Variants in CNTNAP2 observed in about 807,000 individuals in gnomAD.
CNTNAP2 encodes contactin-associated protein-like 2.
In CNTNAP2, 98 loss-of-function variants were observed where a neutral mutation model predicts 155.2. The ratio of observed to expected loss-of-function variants is 0.63; its 90% CI spans 0.54 to 0.75. CNTNAP2 has a LOEUF of 0.75. Among genes scored for constraint, CNTNAP2 ranks in the 30% least tolerant of loss-of-function variants. The probability of loss-of-function intolerance (pLI) is 0.00; values close to 1 mark genes in which losing one functional copy is unlikely to be tolerated. For missense variants in CNTNAP2, 1,727 were observed against 1,688.1 expected (o/e 1.02, Z -0.40); for synonymous variants, 651 against 631.2 (o/e 1.03, Z -0.47).
intron 16 of CNTNAP2, among the ~76,000 whole-genome samples, chr7:148,131,360 G>T (rs1410754068): frequency 1.3e-5 from 2 of 151,968 alleles, no homozygotes; most frequent in African/African-American, 4.8e-5. Flanking sequence ...ACCTACCAAA[G>T]TGCTGGGATT....
At chr7:146,975,824 A>G (rs898583165) in intron 3 of CNTNAP2, among the ~76,000 whole-genome samples, 4 of 152,180 alleles carry the variant, frequency 2.6e-5, no homozygotes, top group African/African-American at 9.7e-5. Context: ...AAGAACTTGA[A>G]GTCCCAAAAT....
chr7:147,453,327 A>G (rs897845029), intron 10 of CNTNAP2, among the ~76,000 whole-genome samples: 1 of 152,092 alleles, frequency 6.6e-6, no homozygotes, highest in Non-Finnish European at 1.5e-5. Flanking sequence ...CTGCTTCCCT[A>G]TGACTTCTGC....
In CNTNAP2 at chr7:148,206,031, CAT is replaced by C. The variant is rs377519549; in HGVS notation, c.3011-11256_3011-11255del. Among the ~76,000 whole-genome samples the C allele has an allele frequency of 4.2e-3, 635 of 151,812 alleles. 6 individuals are homozygous for C. Among genetic ancestry groups the C allele is most frequent in the Middle Eastern group, 0.017 (5 of 290 alleles). On this transcript the variant is annotated intron_variant, in intron 18 of 23. Coordinates refer to ENST00000361727, the MANE Select transcript of CNTNAP2 (RefSeq NM_014141.6). ...ATATGCATATAGGCATATACACACA[CAT>C]GTATAAATATTCATATATACCCTCA...
chr7:147,583,627 A>G (rs1381272042), intron 12 of CNTNAP2, among the ~76,000 whole-genome samples: 1 of 151,342 alleles, frequency 6.6e-6, no homozygotes, highest in Non-Finnish European at 1.5e-5. Flanking sequence ...CCATGTACCA[A>G]TTTTAAAGTT....
At chr7:146,417,279 T>G (rs1485780476) in intron 1 of CNTNAP2, among the ~76,000 whole-genome samples, 1 of 152,198 alleles carries the variant, frequency 6.6e-6, no homozygotes, top group East Asian at 1.9e-4. Flanking sequence ...AGTTTTCTAC[T>G]TGAATTATAG....
intron 11 of CNTNAP2, among the ~76,000 whole-genome samples, chr7:147,508,066 T>C (rs1798944323): frequency 6.6e-6 from 1 of 152,194 alleles, no homozygotes; most frequent in Non-Finnish European, 1.5e-5. Context: ...GCATCAATTT[T>C]CATTTACATA....
At chr7:147,763,113 G>A (rs1203388057) in intron 13 of CNTNAP2, among the ~76,000 whole-genome samples, 1 of 152,038 alleles carries the variant, frequency 6.6e-6, no homozygotes, top group Non-Finnish European at 1.5e-5. Flanking sequence ...TACAAAATTA[G>A]CCAAGCATGG....
At chr7:147,354,396 C>A (rs1256794283) in intron 9 of CNTNAP2, among the ~76,000 whole-genome samples, 2 of 152,100 alleles carry the variant, frequency 1.3e-5, no homozygotes, top group Non-Finnish European at 2.9e-5. Flanking sequence ...ATAGGGAATC[C>A]TTTCCCCATT....
At chr7:146,951,557 T>C (rs556489778) in intron 3 of CNTNAP2, among the ~76,000 whole-genome samples, 1 of 152,294 alleles carries the variant, frequency 6.6e-6, no homozygotes, top group Admixed American at 6.5e-5. Flanking sequence ...AGGGAATGCT[T>C]TCCCCATTGC....
At chr7:148,060,676 G>A (rs1803112382) in intron 15 of CNTNAP2, among the ~76,000 whole-genome samples, 1 of 152,146 alleles carries the variant, frequency 6.6e-6, no homozygotes, top group African/African-American at 2.4e-5. Flanking sequence ...AATAGACAAG[G>A]TAAAATCAGC....
At chr7:146,246,827 A>G (rs1364295484) in intron 1 of CNTNAP2, among the ~76,000 whole-genome samples, 3 of 152,162 alleles carry the variant, frequency 2.0e-5, no homozygotes, top group Non-Finnish European at 4.4e-5. Context: ...TGGTGGCCAG[A>G]TTTCTGGCAC....
At chr7:146,635,061 G>T (rs931179605) in intron 1 of CNTNAP2, among the ~76,000 whole-genome samples, 2 of 152,026 alleles carry the variant, frequency 1.3e-5, no homozygotes, top group African/African-American at 4.8e-5. Context: ...GGAAATCAGA[G>T]ATTTAATCTC....
At chr7:146,312,400 G>A (rs1800839780) in intron 1 of CNTNAP2, among the ~76,000 whole-genome samples, 1 of 151,722 alleles carries the variant, frequency 6.6e-6, no homozygotes, top group East Asian at 1.9e-4. Flanking sequence ...GTTAGGCTTT[G>A]GTGTGTTGGC....
intron 3 of CNTNAP2, among the ~76,000 whole-genome samples, chr7:146,972,918 T>G (rs2129234092): frequency 6.6e-6 from 1 of 152,326 alleles, no homozygotes; most frequent in South Asian, 2.1e-4. Context: ...ACACAGTGTT[T>G]GATTCTGTGC....
intron 1 of CNTNAP2, among the ~76,000 whole-genome samples, chr7:146,588,740 C>G (rs1015786654): frequency 6.6e-6 from 1 of 152,044 alleles, no homozygotes; most frequent in African/African-American, 2.4e-5. Flanking sequence ...AACTTGTGGG[C>G]TCAAGCTATC....
intron 8 of CNTNAP2, among the ~76,000 whole-genome samples, chr7:147,186,354 G>A (rs1802566447): frequency 6.6e-6 from 1 of 152,086 alleles, no homozygotes; most frequent in Non-Finnish European, 1.5e-5. Flanking sequence ...GATCTTTTCT[G>A]TTCTGTGCCT....
chr7:146,435,415 C>T (rs571156654), intron 1 of CNTNAP2, among the ~76,000 whole-genome samples: 1 of 152,148 alleles, frequency 6.6e-6, no homozygotes, highest in Non-Finnish European at 1.5e-5. Context: ...TTCAGTTCTG[C>T]GTCTTGTGAC....
chr7:146,934,142 G>A (rs543799015), intron 3 of CNTNAP2, among the ~76,000 whole-genome samples: 12 of 151,994 alleles, frequency 7.9e-5, no homozygotes, highest in African/African-American at 2.9e-4. Context: ...ACATGCACAC[G>A]TATGTTTATT....
chr7:146,768,329 A>G (rs1802234037), intron 1 of CNTNAP2, among the ~76,000 whole-genome samples: 2 of 151,558 alleles, frequency 1.3e-5, no homozygotes, highest in Admixed American at 6.6e-5. Flanking sequence ...TCTTCCCCCG[A>G]TGTCCATTTC....
Sources: allele counts gnomAD v4.1 joint callset (sites outside exome capture counted in the v4.1 genomes callset), GRCh38; gene constraint gnomAD v4.1.1; transcripts MANE v1.5; gene names NCBI Gene and HGNC (gene_info 2026-07-23, HGNC 2026-07-21).